The following MAML3 variants were observed in gnomAD, a reference collection of about 807,000 sequenced individuals.
MAML3 encodes the protein mastermind like transcriptional coactivator 3, also known as mastermind-like protein 3.
Under a neutral mutation model 101.9 loss-of-function variants are expected in MAML3, and 27 were observed. That is an observed-to-expected ratio of 0.27 (90% CI 0.20 to 0.37). MAML3 has a LOEUF of 0.37. Ranked by LOEUF, MAML3 falls within the 10% of genes least tolerant of loss-of-function variation. The pLI is 1.00. For missense variants in MAML3, 1,316 were observed against 1,444.9 expected, an observed-to-expected ratio of 0.91 and a Z score of 1.45; for synonymous variants, 501 against 555.9, an observed-to-expected ratio of 0.90 and a Z score of 1.39.
chr4:140,079,560 C>T (rs1240181159), intron 1 of MAML3, among the ~76,000 whole-genome samples: 2 of 152,194 alleles, frequency 1.3e-5, no homozygotes, highest in South Asian at 2.1e-4. Flanking sequence ...TCCCAAAGTG[C>T]TGGGATTACA....
Position 139,890,179 on chromosome 4 carries a change from T to C in MAML3, c.1257A>G (p.Gln419=), listed in dbSNP as rs1732443652. Residue 419 remains glutamine (Q), a synonymous_variant, in exon 2 of 5, where the codon CAA becomes CAG. Transcript: ENST00000509479. The surrounding 1 kb of genome is among the most constrained non-coding windows in gnomAD (Gnocchi z 4.1). ...SPANCAVQSP[Q]TPNQAHTPGQ... ...CTGGAGTGTGGGCTTGGTTTGGAGTTTGAGGGGACTGGACAGCACAGTTTG... is the reference window on the plus strand; with the variant it reads ...CTGGAGTGTGGGCTTGGTTTGGAGTCTGAGGGGACTGGACAGCACAGTTTG... 3.7e-6 allele frequency: 6 copies of C among 1,613,292 alleles called. No homozygotes were observed. The highest frequency in any genetic ancestry group is 5.1e-6 in the Non-Finnish European group (6 of 1,179,844).
chr4:140,133,130 T>C (rs1203823619), intron 1 of MAML3: 4 of 439,536 alleles, frequency 9.1e-6, no homozygotes, highest in Non-Finnish European at 1.8e-5. Context: ...AAATATTTAT[T>C]TACAGTGTTT....
chr4:139,807,285 T>TTGTGTG (rs35966760), intron 2 of MAML3, among the ~76,000 whole-genome samples: 16 of 150,856 alleles, frequency 1.1e-4, no homozygotes, highest in Non-Finnish European at 1.9e-4. Context: ...CGCTATTATT[T>TTGTGTG]TGTGTGTGTG....
chr4:140,045,995 T>A (rs901655998), intron 1 of MAML3, among the ~76,000 whole-genome samples: 1 of 152,236 alleles, frequency 6.6e-6, no homozygotes, highest in East Asian at 1.9e-4. Context: ...GAATATTCTC[T>A]ATGCTTCCAA....
At chr4:140,041,826 C>T (rs1303109099) in intron 1 of MAML3, among the ~76,000 whole-genome samples, 1 of 152,088 alleles carries the variant, frequency 6.6e-6, no homozygotes, top group Non-Finnish European at 1.5e-5. Flanking sequence ...AAAAACACAC[C>T]TCTGGATTTA....
In MAML3 at chr4:139,729,673, A is replaced by C. The variant is rs1223102354; in HGVS notation, c.2331+743T>G. On this transcript the variant is annotated intron_variant, in intron 3 of 4. Transcript: ENST00000509479. Reference sequence around the variant, plus strand: ...TCAGGCCTTTCCCTAGGATAATGCTAAGTCAGGTATGGGCATCTCTAAAAA... The same window carrying C: ...TCAGGCCTTTCCCTAGGATAATGCTCAGTCAGGTATGGGCATCTCTAAAAA... 3.3e-5 allele frequency among the ~76,000 whole-genome samples: 5 copies of C among 152,186 alleles called. 1 individual carries two copies. Among genetic ancestry groups the C allele is most frequent in the Admixed American group, 2.6e-4 (4 of 15,280 alleles).
At chr4:140,135,012 T>G (rs1162745472) in intron 1 of MAML3, among the ~76,000 whole-genome samples, 2 of 152,138 alleles carry the variant, frequency 1.3e-5, no homozygotes, top group African/African-American at 4.8e-5. Flanking sequence ...GAAACCAGAA[T>G]GGGTGTCCAT....
chr4:139,988,191 G>T (rs1215341089), intron 1 of MAML3, among the ~76,000 whole-genome samples: 8 of 151,468 alleles, frequency 5.3e-5, no homozygotes, highest in Non-Finnish European at 8.8e-5. Flanking sequence ...GCCGGGCCTG[G>T]TGGTGTGTGA....
intron 2 of MAML3, among the ~76,000 whole-genome samples, chr4:139,743,351 G>A (rs1236935860): frequency 1.7e-4 from 26 of 152,216 alleles, no homozygotes; most frequent in Admixed American, 1.7e-3. Context: ...CCGGACACTA[G>A]GGATCCTGTT....
intron 2 of MAML3, among the ~76,000 whole-genome samples, chr4:139,760,425 T>G (rs1035363726): frequency 7.2e-5 from 11 of 152,160 alleles, no homozygotes; most frequent in South Asian, 6.2e-4. Context: ...TCCCAGCACT[T>G]CGGGAAAATT....
chr4:139,994,419 C>T (rs1371520857), intron 1 of MAML3, among the ~76,000 whole-genome samples: 1 of 152,180 alleles, frequency 6.6e-6, no homozygotes, highest in Non-Finnish European at 1.5e-5. Context: ...AACCACAGCA[C>T]TTTGAGAGGC....
chr4:139,740,072 C>T (rs577192018), intron 2 of MAML3: 6 of 152,226 alleles, frequency 3.9e-5, no homozygotes, highest in East Asian at 3.9e-4. Flanking sequence ...GCAACTAGGT[C>T]GGCTTTACAT....
At chr4:140,093,424 T>G (rs1287372396) in intron 1 of MAML3, among the ~76,000 whole-genome samples, 1 of 148,722 alleles carries the variant, frequency 6.7e-6, no homozygotes, top group Non-Finnish European at 1.5e-5. Context: ...TTGTTTTTTT[T>G]TTTTTTTTTT....
chr4:140,132,654 G>T (rs962680311), intron 1 of MAML3, among the ~76,000 whole-genome samples: 5 of 152,250 alleles, frequency 3.3e-5, no homozygotes, highest in African/African-American at 1.2e-4. Flanking sequence ...GCAAGCAAAT[G>T]CCTTCGTGGT....
chr4:139,815,725 T>G (rs1168011181), intron 2 of MAML3, among the ~76,000 whole-genome samples: 1 of 152,160 alleles, frequency 6.6e-6, no homozygotes. Flanking sequence ...AGTTCAGGTT[T>G]CCAGAACTCA....
intron 1 of MAML3, among the ~76,000 whole-genome samples, chr4:139,919,577 ATC>A (rs1269582504): frequency 6.6e-6 from 1 of 152,192 alleles, no homozygotes; most frequent in Non-Finnish European, 1.5e-5. Context: ...AGAAGTGAGA[ATC>A]TCTGCGTGGA....
chr4:139,767,180 T>G (rs1431618887), intron 2 of MAML3, among the ~76,000 whole-genome samples: 2 of 152,180 alleles, frequency 1.3e-5, no homozygotes, highest in Non-Finnish European at 2.9e-5. Context: ...AAGTCCACAT[T>G]GGGTCAGGCC....
At chr4:140,011,337 G>GTTTT (rs1394373852) in intron 1 of MAML3, among the ~76,000 whole-genome samples, 6,064 of 109,594 alleles carry the variant, frequency 0.055, 751 homozygotes, top group Non-Finnish European at 0.079. Context: ...AGGTTTTCTT[G>GTTTT]TTTTGTTTTT....
At chr4:140,103,523 G>A (rs143849708) in intron 1 of MAML3, among the ~76,000 whole-genome samples, 129 of 152,306 alleles carry the variant, frequency 8.5e-4, no homozygotes, top group African/African-American at 2.9e-3. Context: ...GTGCTTCTGA[G>A]AAAGGGCTGA....
Sources: gnomAD v4.1 joint callset for allele counts (sites outside exome capture counted in the v4.1 genomes callset) on GRCh38, gnomAD v4.1.1 for gene constraint, Gnocchi (gnomAD v3.1) non-coding constraint, MANE v1.5 for transcripts, NCBI Gene and HGNC (gene_info 2026-07-23, HGNC 2026-07-21) for gene names.